Variants in CCDC33 observed in about 807,000 individuals in gnomAD.
CCDC33 encodes the protein coiled-coil domain containing 33.
In CCDC33, 94 loss-of-function variants were observed where a neutral mutation model predicts 91.9. The observed-to-expected ratio is 1.02, with a 90% CI of 0.87 to 1.21. The LOEUF (loss-of-function observed/expected upper bound fraction) is 1.21. Among genes scored for constraint, CCDC33 ranks in the 50% most tolerant of loss-of-function variants. CCDC33 has a pLI of 0.00. For missense variants in CCDC33, 940 were observed against 935.5 expected, an observed-to-expected ratio of 1.00 and a Z score of -0.06; for synonymous variants, 396 against 374.5, an observed-to-expected ratio of 1.06 and a Z score of -0.66.
chr15:74,236,842 C>A, intron 1 of CCDC33, 102 bp downstream of exon 1: 1 of 1,184,366 alleles, frequency 8.4e-7, no homozygotes, highest in Non-Finnish European at 1.2e-6. Flanking sequence ...CAAAAGCTTC[C>A]CTTCCCTGGG....
At chr15:74,333,123 G>T in intron 16 of CCDC33, 1 of 987,724 alleles carries the variant, frequency 1.0e-6, no homozygotes, top group Non-Finnish European at 1.6e-6. Context: ...TTTTCACCTG[G>T]CTGGCCTCCA....
At chr15:74,207,931 G>T in intron 1 of CCDC33, 2 of 1,464,594 alleles carry the variant, frequency 1.4e-6, no homozygotes, top group Non-Finnish European at 1.8e-6. Flanking sequence ...GAGTATGGGT[G>T]ACTCTCCACC....
At position 74,207,801 on chromosome 15, in the gene CCDC33, C is replaced by T. The variant is rs759534745; in HGVS notation, n.90-1587C>T. 619 of 1,534,496 alleles carry T rather than the reference C, an allele frequency of 4.0e-4. 5 individuals are homozygous for T. Among genetic ancestry groups the T allele is most frequent in the Middle Eastern group, 3.9e-3 (23 of 5,960 alleles). ...TGTGCCCTCAGTGGCACAGCACACTCACACACACATCCAACTGCCCTTCGC... is the reference window on the plus strand; with the variant it reads ...TGTGCCCTCAGTGGCACAGCACACTTACACACACATCCAACTGCCCTTCGC... On this transcript the variant is annotated intron_variant and non_coding_transcript_variant, in intron 1 of 3. Transcript: ENST00000558645.
chr15:74,335,087 CTG>C lies in CCDC33; in HGVS notation c.2139+2_2139+3del, dbSNP rs1271422584. 3 of 1,610,604 alleles carry C rather than the reference CTG, an allele frequency of 1.9e-6. No individual in the cohort carries two copies. On this transcript the variant is annotated splice_donor_variant and coding_sequence_variant, in exon 18 of 19. Coordinates refer to ENST00000398814, the MANE Select transcript of CCDC33 (RefSeq NM_025055.5). LOFTEE classifies it high-confidence loss of function. ...TCGAACTCCATCATCATAGAACAGC[CTG>C]TGAGTGACCCCCCTGGAGTAGCTCC...
Position 74,244,222 on chromosome 15 carries a change from A to T in CCDC33, c.185+74A>T. The T allele has an allele frequency of 3.3e-6, 5 of 1,532,854 alleles. No individual in the cohort carries two copies. Among genetic ancestry groups the T allele is most frequent in the Non-Finnish European group, 4.4e-6 (5 of 1,134,174 alleles). The allele number at this position is 1,532,854 out of a possible 1,614,324, so 95.0% of individuals were successfully genotyped here. On this transcript the variant is annotated intron_variant, in intron 2 of 18. Coordinates refer to ENST00000398814, the MANE Select transcript of CCDC33 (RefSeq NM_025055.5). The surrounding 1 kb of genome is among the most constrained non-coding windows in gnomAD (Gnocchi z 4.2). ...CAGAAACCAGGGGACAGCTATTTGG[A>T]ATACTAGCACCCAAAGGCCCAGGAC...
intron 11 of CCDC33, among the ~76,000 whole-genome samples, chr15:74,318,287 C>G (rs941510017): frequency 4.6e-5 from 7 of 152,016 alleles, no homozygotes; most frequent in Non-Finnish European, 8.8e-5. Flanking sequence ...AAGGTGTAGC[C>G]AAGGGCAGGT....
intron 10 of CCDC33, among the ~76,000 whole-genome samples, chr15:74,291,767 A>C (rs1457808512): frequency 6.6e-6 from 1 of 152,208 alleles, no homozygotes; most frequent in Non-Finnish European, 1.5e-5. Context: ...AGGAAGGCAG[A>C]GGATGTTGTG....
intron 1 of CCDC33, among the ~76,000 whole-genome samples, chr15:74,204,720 G>A (rs2074219184): frequency 6.6e-6 from 1 of 152,198 alleles, no homozygotes; most frequent in African/African-American, 2.4e-5. Context: ...ATCACCTGAG[G>A]TCAGGAGTTA....
intron 11 of CCDC33, among the ~76,000 whole-genome samples, chr15:74,321,457 GT>G (rs2060205089): frequency 6.6e-6 from 1 of 151,988 alleles, no homozygotes. Flanking sequence ...TAGAGATGGG[GT>G]TTCACCATGT....
At position 74,218,967 on chromosome 15, in the gene CCDC33, G is replaced by A. The variant is rs2074518799; in HGVS notation, c.675+106G>A. The A allele has an allele frequency of 1.8e-6, 2 of 1,105,322 alleles. No individual in the cohort carries two copies. Among genetic ancestry groups the A allele is most frequent in the Middle Eastern group, 4.1e-4 (1 of 2,430 alleles). 68.5% of individuals were successfully genotyped at this position (1,105,322 alleles called of 1,614,324 possible). A position where few individuals can be genotyped will look rare whatever the true frequency, so the allele number is the denominator to read the frequency against. On this transcript the variant is annotated intron_variant, in intron 2 of 2. Coordinates refer to the CCDC33 transcript ENST00000635913. This position sits in a 1 kb window ranked among gnomAD's most constrained non-coding sequence, Gnocchi z 4.8. ...CCTGTCCTGAGCTGAGCTGAGCAGA[G>A]CAGCAGAGCTCCCAAGGCTGCCATG...
At chr15:74,308,358 G>GACACAC (rs3057604) in intron 11 of CCDC33, among the ~76,000 whole-genome samples, 32 of 146,012 alleles carry the variant, frequency 2.2e-4, no homozygotes, top group Non-Finnish European at 3.9e-4. Flanking sequence ...CAGACAGACA[G>GACACAC]ACACACACAC....
At chr15:74,236,109 TG>T (rs1331482579), upstream of CCDC33, among the ~76,000 whole-genome samples, 12 of 152,202 alleles carry the variant, frequency 7.9e-5, no homozygotes, top group Non-Finnish European at 1.8e-4. Flanking sequence ...AGCATGGGGC[TG>T]GCCACACCAC....
intron 11 of CCDC33, among the ~76,000 whole-genome samples, chr15:74,317,076 T>C (rs1024066129): frequency 1.3e-5 from 2 of 151,992 alleles, no homozygotes; most frequent in African/African-American, 2.4e-5. Flanking sequence ...AAAAGTGGAG[T>C]GGGCCAGGTG....
In CCDC33 at chr15:74,245,310, G is replaced by T. The variant is rs368352674; in HGVS notation, c.185+1162G>T. 3.2e-4 allele frequency among the ~76,000 whole-genome samples: 49 copies of T among 152,310 alleles called. No individual in the cohort carries two copies. The Middle Eastern group carries it at 0.017, about 53-fold the overall frequency. On this transcript the variant is annotated intron_variant, in intron 2 of 18. Coordinates refer to ENST00000398814, the MANE Select transcript of CCDC33 (RefSeq NM_025055.5). Reference sequence around the variant, plus strand: ...CCCCCCAGGGCCCCCACTGTGAAAGGGGGGTAGAAGCTGTGCCGAGAGCAA... The same window carrying T: ...CCCCCCAGGGCCCCCACTGTGAAAGTGGGGTAGAAGCTGTGCCGAGAGCAA...
At chr15:74,234,772 A>G (rs899310053), upstream of CCDC33, among the ~76,000 whole-genome samples, 2 of 152,246 alleles carry the variant, frequency 1.3e-5, no homozygotes, top group African/African-American at 4.8e-5. Context: ...ACTGAGGCAG[A>G]GCTGCAGGGC....
At chr15:74,257,029 C>A (rs1453857614) in intron 2 of CCDC33, among the ~76,000 whole-genome samples, 5 of 152,238 alleles carry the variant, frequency 3.3e-5, no homozygotes, top group Non-Finnish European at 7.3e-5. Context: ...CCATGCCCTG[C>A]AGGCAAGGGC....
intron 1 of CCDC33, among the ~76,000 whole-genome samples, chr15:74,239,318 C>T (rs530394323): frequency 1.3e-5 from 2 of 152,218 alleles, no homozygotes; most frequent in East Asian, 1.9e-4. Flanking sequence ...AACCCACCCG[C>T]GGGAGCTGAA....
In CCDC33 at chr15:74,333,174, C is replaced by T. The variant is rs760679208; in HGVS notation, c.1938+329C>T. The stretch of plus-strand genomic sequence containing the variant: ...GGCCTCTCAAAACTCCCTTCTGGAG[C>T]ATTCCCTGGTCTTGGTGCAGCCTTG... On this transcript the variant is annotated intron_variant, in intron 16 of 18. Transcript: ENST00000398814. The T allele has an allele frequency of 3.5e-6, 5 of 1,448,552 alleles. No homozygotes were observed. The South Asian group carries it at 6.1e-5, about 18-fold the overall frequency. The allele number at this position is 1,448,552 out of a possible 1,614,324, so 89.7% of individuals were successfully genotyped here. A position where few individuals can be genotyped will look rare whatever the true frequency, so the allele number is the denominator to read the frequency against.
At chr15:74,205,518 C>G (rs2074240246) in intron 1 of CCDC33, among the ~76,000 whole-genome samples, 1 of 152,192 alleles carries the variant, frequency 6.6e-6, no homozygotes, top group Admixed American at 6.5e-5. Flanking sequence ...GGGAGGGCAC[C>G]AAGCCATTCA....
Sources: gnomAD v4.1 joint callset for allele counts (sites outside exome capture counted in the v4.1 genomes callset) on GRCh38, gnomAD v4.1.1 for gene constraint, Gnocchi (gnomAD v3.1) non-coding constraint, MANE v1.5 for transcripts, NCBI Gene and HGNC (gene_info 2026-07-23, HGNC 2026-07-21) for gene names.